The following GALNT14 variants were observed in gnomAD, a reference collection of about 807,000 sequenced individuals.
GALNT14 encodes polypeptide N-acetylgalactosaminyltransferase 14, also known as UDP-GalNAc:polypeptide N-acetylgalactosaminyltransferase 14.
Under a neutral mutation model 77.5 loss-of-function variants are expected in GALNT14, and 60 were observed. That is an observed-to-expected ratio of 0.77 (90% CI 0.63 to 0.96). The LOEUF (loss-of-function observed/expected upper bound fraction) is 0.96. Among genes scored for constraint, GALNT14 ranks in the 40% least tolerant of loss-of-function variants. The pLI is 0.00. For synonymous variants in GALNT14, 280 were observed against 281.7 expected (o/e 0.99, Z 0.06); for missense variants, 710 against 731.0 (o/e 0.97, Z 0.33).
chr2:30,930,911 C>A (rs1404670734), intron 10 of GALNT14, among the ~76,000 whole-genome samples: 3 of 152,256 alleles, frequency 2.0e-5, no homozygotes, highest in East Asian at 3.8e-4. Context: ...AGGATGCCCA[C>A]TGGCCAGGGC....
At chr2:30,909,109 G>GC (rs1419835641), downstream of GALNT14, among the ~76,000 whole-genome samples, 1 of 151,864 alleles carries the variant, frequency 6.6e-6, no homozygotes. Flanking sequence ...AAAAACCCTA[G>GC]AAGAAAACCT....
Position 31,038,494 on chromosome 2 carries a change from T to C in GALNT14, c.130-45487A>G, listed in dbSNP as rs116776783. Reference sequence around the variant, plus strand: ...AAAGAGAAGCCCTAAGAATGGTGCATCTCCAGGGAGTTGCCAGACAGGCCA... The same window carrying C: ...AAAGAGAAGCCCTAAGAATGGTGCACCTCCAGGGAGTTGCCAGACAGGCCA... On this transcript the variant is annotated intron_variant, in intron 1 of 14. Transcript: ENST00000349752. Among the ~76,000 whole-genome samples, 715 of 151,932 alleles carry C rather than the reference T, an allele frequency of 4.7e-3. 2 individuals carry two copies. Among genetic ancestry groups the C allele is most frequent in the Middle Eastern group, 0.031 (9 of 294 alleles).
At chr2:31,108,798 T>C (rs1677692491) in intron 1 of GALNT14, among the ~76,000 whole-genome samples, 1 of 152,192 alleles carries the variant, frequency 6.6e-6, no homozygotes, top group South Asian at 2.1e-4. Context: ...CCAGCATTCC[T>C]GTCGGCAGCT....
intron 8 of GALNT14, among the ~76,000 whole-genome samples, chr2:30,943,236 G>A (rs1358996395): frequency 6.6e-6 from 1 of 152,078 alleles, no homozygotes; most frequent in East Asian, 1.9e-4. Flanking sequence ...CTTCGTCCCA[G>A]TCCCCAGACT....
chr2:31,080,657 C>T (rs758396834), intron 1 of GALNT14, among the ~76,000 whole-genome samples: 29 of 152,140 alleles, frequency 1.9e-4, no homozygotes, highest in Non-Finnish European at 3.1e-4. Flanking sequence ...TCTCAGATGA[C>T]GTGGTTTCTC....
intron 2 of GALNT14, among the ~76,000 whole-genome samples, chr2:30,983,776 C>A (rs1205855881): frequency 1.7e-5 from 2 of 116,112 alleles, no homozygotes; most frequent in Non-Finnish European, 3.5e-5. Flanking sequence ...AATCACAAGT[C>A]AAACACACAC....
intron 1 of GALNT14, among the ~76,000 whole-genome samples, chr2:31,089,640 T>C (rs1676632189): frequency 6.6e-6 from 1 of 152,192 alleles, no homozygotes; most frequent in African/African-American, 2.4e-5. Flanking sequence ...TACTGACATC[T>C]TTCCTGAGAA....
chr2:31,016,625 G>A (rs1671381349), intron 1 of GALNT14, among the ~76,000 whole-genome samples: 1 of 152,018 alleles, frequency 6.6e-6, no homozygotes, highest in African/African-American at 2.4e-5. Context: ...CTGCCCCCCA[G>A]AACAAGACCT....
chr2:30,898,879 C>G, the GALNT14 span, among the ~76,000 whole-genome samples: 4 of 152,138 alleles, frequency 2.6e-5, no homozygotes. Context: ...TGTCCTCAAA[C>G]TCTTCCACTA....
chr2:30,936,855 G>A (rs1025181877), intron 9 of GALNT14, among the ~76,000 whole-genome samples: 3 of 152,168 alleles, frequency 2.0e-5, no homozygotes, highest in East Asian at 1.9e-4. Context: ...ATGCCCATAC[G>A]ACTGCAAATG....
the GALNT14 span, among the ~76,000 whole-genome samples, chr2:30,905,374 A>G: frequency 6.6e-6 from 1 of 151,346 alleles, no homozygotes; most frequent in Non-Finnish European, 1.5e-5. Flanking sequence ...AAAGGAGCTG[A>G]TGGAGCTGAA....
At chr2:31,129,458 A>G (rs1678871243) in intron 1 of GALNT14, 1 of 985,462 alleles carries the variant, frequency 1.0e-6, no homozygotes, top group Non-Finnish European at 1.2e-6. Flanking sequence ...CCTGCCCACC[A>G]TAAGGACATT....
At chr2:30,900,344 T>C in the GALNT14 span, among the ~76,000 whole-genome samples, 2 of 152,212 alleles carry the variant, frequency 1.3e-5, no homozygotes, top group African/African-American at 4.8e-5. Flanking sequence ...CATTATGAAG[T>C]AAAATATGCA....
chr2:31,138,232 G>A lies in GALNT14; in HGVS notation c.-146C>T, dbSNP rs1337759447. Reference sequence around the variant, plus strand: ...CCGGTTGGAGGGGCGGCAGGATCCTGCAAGGCGCCCTTCCCGCTTCGAAGA... The same window carrying A: ...CCGGTTGGAGGGGCGGCAGGATCCTACAAGGCGCCCTTCCCGCTTCGAAGA... On this transcript the variant is annotated 5_prime_UTR_variant, in exon 1 of 15. Coordinates refer to ENST00000349752, the MANE Select transcript of GALNT14 (RefSeq NM_024572.4). 3 of 983,386 alleles carry A rather than the reference G, an allele frequency of 3.1e-6. No individual in the cohort carries two copies. The highest frequency in any genetic ancestry group is 4.5e-6 in the Non-Finnish European group (3 of 671,868). The allele number at this position is 983,386 out of a possible 1,614,324, so 60.9% of individuals were successfully genotyped here.
intron 1 of GALNT14, among the ~76,000 whole-genome samples, chr2:31,104,891 T>C (rs1677476476): frequency 1.3e-5 from 2 of 152,208 alleles, no homozygotes; most frequent in African/African-American, 2.4e-5. Context: ...CACTGAAATT[T>C]TACCATGTTT....
intron 6 of GALNT14, among the ~76,000 whole-genome samples, chr2:30,951,687 C>A (rs1290450999): frequency 6.6e-6 from 1 of 152,208 alleles, no homozygotes; most frequent in African/African-American, 2.4e-5. Context: ...TACACACATG[C>A]ACACTCATAT....
chr2:31,090,283 A>G (rs980225581), intron 1 of GALNT14, among the ~76,000 whole-genome samples: 2 of 152,102 alleles, frequency 1.3e-5, no homozygotes, highest in African/African-American at 4.8e-5. Context: ...CGATAACACT[A>G]GGTACTTCCC....
chr2:31,135,058 C>T (rs942813881), intron 1 of GALNT14, among the ~76,000 whole-genome samples: 1 of 152,204 alleles, frequency 6.6e-6, no homozygotes, highest in Admixed American at 6.5e-5. Flanking sequence ...CATAGGCTTA[C>T]ATGGGTTAGG....
intron 3 of GALNT14, among the ~76,000 whole-genome samples, chr2:30,961,078 T>A (rs1280626313): frequency 6.6e-6 from 1 of 152,240 alleles, no homozygotes; most frequent in Middle Eastern, 3.2e-3. Flanking sequence ...GTGGGCAGTG[T>A]AGGCTCAGAG....
Sources: allele counts gnomAD v4.1 joint callset (sites outside exome capture counted in the v4.1 genomes callset), GRCh38; gene constraint gnomAD v4.1.1; transcripts MANE v1.5; gene names NCBI Gene and HGNC (gene_info 2026-07-23, HGNC 2026-07-21).